SPACA9: variants seen among roughly 807,000 people sequenced by gnomAD.
The protein encoded by SPACA9 is sperm acrosome associated 9, also known as sperm acrosome-associated protein 9.
In SPACA9, 14 loss-of-function variants were observed where a neutral mutation model predicts 12.5. The ratio of observed to expected loss-of-function variants is 1.12; its 90% CI spans 0.74 to 1.75. The LOEUF is 1.75. Among genes scored for constraint, SPACA9 ranks in the 40% most tolerant of loss-of-function variants. The pLI, the probability that SPACA9 is intolerant of heterozygous loss-of-function variation, is 0.00. For synonymous variants in SPACA9, 111 were observed against 114.1 expected (o/e 0.97, Z 0.17); for missense variants, 292 against 291.9 (o/e 1.00, Z 0.00).
At position 132,888,303 on chromosome 9, in the gene SPACA9, G is replaced by A; in HGVS notation, c.361G>A (p.Val121Met). 2 of 1,611,430 alleles carry A rather than the reference G, an allele frequency of 1.2e-6. No individual in the cohort carries two copies. The highest frequency in any genetic ancestry group is 1.7e-6 in the Non-Finnish European group (2 of 1,178,428). ...GCCGTCCTGCAGATACCCTCATGAT[G>A]TGGTGAACCACCTCAGCTGTGACGA... ...SSLRAKYPHD[V>M]VNHLSCDEAR... Residue 121 changes from valine to methionine, a missense_variant, in exon 4 of 4, where the codon GTG (valine) becomes ATG (methionine). Coordinates refer to ENST00000356311, the MANE Select transcript of SPACA9 (RefSeq NM_001316897.2). The surrounding 1 kb of genome is among the most constrained non-coding windows in gnomAD (Gnocchi z 5.0).
chr9:132,889,301 C>A lies in SPACA9; in HGVS notation c.*690C>A. On this transcript the variant is annotated 3_prime_UTR_variant, in exon 4 of 4. Transcript: ENST00000356311. ...TGATCAAGCTGGAGACCATCTGCTC[C>A]TTGCCCCACCACCAGCCCCAACTGT... 2.0e-6 allele frequency: 2 copies of A among 985,758 alleles called. No individual in the cohort carries two copies. The highest frequency in any genetic ancestry group is 2.4e-6 in the Non-Finnish European group (2 of 830,164). The allele number at this position is 985,758 out of a possible 1,614,324, so 61.1% of individuals were successfully genotyped here.
chr9:132,879,435 ACT>A (rs760964964), intron 1 of SPACA9, among the ~76,000 whole-genome samples: 3 of 151,896 alleles, frequency 2.0e-5, no homozygotes, highest in Non-Finnish European at 4.4e-5. Context: ...AGCTTGGCAA[ACT>A]CTCTGCTTGC....
Position 132,887,245 on chromosome 9 carries a change from C to G in SPACA9, c.145-124C>G. The G allele has an allele frequency of 1.3e-6, 1 of 779,750 alleles. No homozygotes were observed. The highest frequency in any genetic ancestry group is 1.6e-5 in the South Asian group (1 of 63,808). The allele number at this position is 779,750 out of a possible 1,614,324, so 48.3% of individuals were successfully genotyped here. ...CCTTAAAATGCTTAAGCGTTACTTG[C>G]GTCTCCCCCATGAGTCATGTAGGGT... On this transcript the variant is annotated intron_variant, in intron 2 of 3. Coordinates refer to ENST00000356311, the MANE Select transcript of SPACA9 (RefSeq NM_001316897.2). This position sits in a 1 kb window ranked among gnomAD's most constrained non-coding sequence, Gnocchi z 5.4.
rs1844579901 is a variant in SPACA9, at chr9:132,886,846, C to T, written c.145-523C>T. 1.3e-5 allele frequency among the ~76,000 whole-genome samples: 2 copies of T among 152,024 alleles called. 1 individual carries two copies. Among genetic ancestry groups the T allele is most frequent in the South Asian group, 4.2e-4 (2 of 4,816 alleles). On this transcript the variant is annotated intron_variant, in intron 2 of 3. Transcript: ENST00000356311. ...TTTGTTTTTGAGATGGCATCTTGCT[C>T]TGTTACCCAGGCTGGAGTGCAGTGG...
rs1357362993 is a variant in SPACA9, at chr9:132,878,939, G to T, written c.-113G>T. On this transcript the variant is annotated 5_prime_UTR_variant, in exon 1 of 4. Transcript: ENST00000356311. The surrounding 1 kb of genome is among the most constrained non-coding windows in gnomAD (Gnocchi z 4.7). ...TGGAACGGGCCTCCCCACCCTCCGG[G>T]GCACCGACACTCACGGAGTCACTCC... 8.9e-6 allele frequency: 2 copies of T among 224,020 alleles called. No homozygotes were observed. The highest frequency in any genetic ancestry group is 1.5e-5 in the Non-Finnish European group (2 of 133,888). 13.9% of individuals were successfully genotyped at this position (224,020 alleles called of 1,614,324 possible). A position where few individuals can be genotyped will look rare whatever the true frequency, so the allele number is the denominator to read the frequency against.
At chr9:132,880,292 C>G (rs1436020113) in intron 1 of SPACA9, among the ~76,000 whole-genome samples, 1 of 152,154 alleles carries the variant, frequency 6.6e-6, no homozygotes, top group Non-Finnish European at 1.5e-5. Flanking sequence ...CGAGAAGTGC[C>G]CGTCCCCTGT....
rs568096413 is a variant in SPACA9, at chr9:132,885,682, G to A, written c.144+1591G>A. 9.9e-5 allele frequency among the ~76,000 whole-genome samples: 15 copies of A among 151,990 alleles called. No homozygotes were observed. The South Asian group carries it at 2.9e-3, about 29-fold the overall frequency. On this transcript the variant is annotated intron_variant, in intron 2 of 3. Transcript: ENST00000356311. ...TTCCTCTTCTGTAAACCTGGACTTC[G>A]GGGGAAAAAAGAAAAGAAACTGCCT...
chr9:132,879,195 G>A (rs574290426), intron 1 of SPACA9, among the ~76,000 whole-genome samples, 181 bp downstream of exon 1: 1 of 152,346 alleles, frequency 6.6e-6, no homozygotes, highest in Admixed American at 6.5e-5. Context: ...TTTTTAAGTC[G>A]TATGAATTCC....
chr9:132,889,031 A>G lies in SPACA9; in HGVS notation c.*420A>G, dbSNP rs752129008. 1.8e-4 allele frequency: 170 copies of G among 969,850 alleles called. No individual in the cohort carries two copies. The highest frequency in any genetic ancestry group is 5.7e-4 in the South Asian group (13 of 22,780). The allele number at this position is 969,850 out of a possible 1,614,324, so 60.1% of individuals were successfully genotyped here. A position where few individuals can be genotyped will look rare whatever the true frequency, so the allele number is the denominator to read the frequency against. ...ATCTACCCTCGTGATCGGCCTCCCA[A>G]AGTGCTGGGATTACAGGCGTGAGCC... On this transcript the variant is annotated 3_prime_UTR_variant, in exon 4 of 4. Coordinates refer to ENST00000356311, the MANE Select transcript of SPACA9 (RefSeq NM_001316897.2).
Position 132,889,653 on chromosome 9 carries a change from G to C in SPACA9, c.*1042G>C. ...TGGTCTTGAACTCCTGACCTCAACT[G>C]GTCCACCCGCCTCGGCCTCCCAAAG... is the stretch of plus-strand genomic sequence containing the variant. On this transcript the variant is annotated 3_prime_UTR_variant, in exon 4 of 4. Coordinates refer to ENST00000356311, the MANE Select transcript of SPACA9 (RefSeq NM_001316897.2). 1 of 863,368 alleles carries C rather than the reference G, an allele frequency of 1.2e-6. No individual in the cohort carries two copies. 53.5% of individuals were successfully genotyped at this position (863,368 alleles called of 1,614,324 possible). A position where few individuals can be genotyped will look rare whatever the true frequency, so the allele number is the denominator to read the frequency against.
chr9:132,878,687 G>T (rs891927723), upstream of SPACA9: 30 of 991,704 alleles, frequency 3.0e-5, no homozygotes, highest in South Asian at 5.2e-4. This position sits in a 1 kb window ranked among gnomAD's most constrained non-coding sequence, Gnocchi z 4.7. Context: ...GTGGGGGAGG[G>T]TGTTTGAAGG....
At position 132,888,418 on chromosome 9, in the gene SPACA9, C is replaced by A; in HGVS notation, c.476C>A (p.Pro159Gln). The change falls in exon 4 of 4, where the codon CCG becomes CAG. Residue 159 changes from proline (P) to glutamine (Q), a missense_variant. By Grantham distance (76) the Pro-to-Gln change is moderately conservative (BLOSUM62 -1). Coordinates refer to ENST00000356311, the MANE Select transcript of SPACA9 (RefSeq NM_001316897.2). The surrounding 1 kb of genome is among the most constrained non-coding windows in gnomAD (Gnocchi z 5.0). ...KEWIAHSEKL[P>Q]RKVLQHVSEP... ...TGGATCGCCCACTCCGAGAAGTTGC[C>A]GCGCAAGGTGCTGCAGCACGTGAGT... 2 of 1,613,926 alleles carry A rather than the reference C, an allele frequency of 1.2e-6. No individual in the cohort carries two copies. The highest frequency in any genetic ancestry group is 1.7e-6 in the Non-Finnish European group (2 of 1,180,008).
rs1421936454 is a variant in SPACA9, at chr9:132,888,676, CT to C, written c.*71del. ...TTAATTTGGATTTTACTGGTTGGTC[CT>C]TTTTTCACTGGTACCCATGGACCCT... On this transcript the variant is annotated 3_prime_UTR_variant, in exon 4 of 4. Coordinates refer to ENST00000356311, the MANE Select transcript of SPACA9 (RefSeq NM_001316897.2). This position sits in a 1 kb window ranked among gnomAD's most constrained non-coding sequence, Gnocchi z 5.0. 2 of 1,467,184 alleles carry C rather than the reference CT, an allele frequency of 1.4e-6. No individual in the cohort carries two copies. The highest frequency in any genetic ancestry group is 1.4e-5 in the African/African-American group (1 of 70,310). 90.9% of individuals were successfully genotyped at this position (1,467,184 alleles called of 1,614,324 possible). A position where few individuals can be genotyped will look rare whatever the true frequency, so the allele number is the denominator to read the frequency against.
chr9:132,887,181 C>G lies in SPACA9; in HGVS notation c.145-188C>G, dbSNP rs111237224. Reference sequence around the variant, plus strand: ...TCCATCCATCCATCCATCCATCCATCTATAGAGAGAGAGATACCACTATAT... The same window carrying G: ...TCCATCCATCCATCCATCCATCCATGTATAGAGAGAGAGATACCACTATAT... On this transcript the variant is annotated intron_variant, in intron 2 of 3. Transcript: ENST00000356311. The surrounding 1 kb of genome is among the most constrained non-coding windows in gnomAD (Gnocchi z 5.4). Among the ~76,000 whole-genome samples the G allele has an allele frequency of 2.1e-3, 326 of 151,712 alleles. 3 individuals carry two copies. The highest frequency in any genetic ancestry group is 7.3e-3 in the African/African-American group (301 of 41,316).
chr9:132,888,202 T>A lies in SPACA9; in HGVS notation c.348-88T>A, dbSNP rs757703323. 1.2e-5 allele frequency: 19 copies of A among 1,535,278 alleles called. No homozygotes were observed. Among genetic ancestry groups the A allele is most frequent in the Middle Eastern group, 1.8e-4 (1 of 5,598 alleles). Reference sequence around the variant, plus strand: ...CAGTTCTAAAGCCTCCCCAGGTGACTCTGCTGTGCCTGAGGTGTGGCAGCT... The same window carrying A: ...CAGTTCTAAAGCCTCCCCAGGTGACACTGCTGTGCCTGAGGTGTGGCAGCT... On this transcript the variant is annotated intron_variant, in intron 3 of 3. Coordinates refer to ENST00000356311, the MANE Select transcript of SPACA9 (RefSeq NM_001316897.2). The surrounding 1 kb of genome is among the most constrained non-coding windows in gnomAD (Gnocchi z 5.0).
chr9:132,885,244 C>T (rs776840818), intron 2 of SPACA9, among the ~76,000 whole-genome samples: 7 of 150,416 alleles, frequency 4.7e-5, no homozygotes, highest in Admixed American at 3.3e-4. Flanking sequence ...CCAGACACAG[C>T]GGCTCATGCC....
chr9:132,888,347 C>T lies in SPACA9; in HGVS notation c.405C>T (p.Gly135=), dbSNP rs202013520. The change falls in exon 4 of 4, where the codon GGC becomes GGT. Residue 135 remains glycine, a synonymous_variant. Transcript: ENST00000356311. This position sits in a 1 kb window ranked among gnomAD's most constrained non-coding sequence, Gnocchi z 5.0. ...LSCDEARNHY[G]GVVSLIPLIL... ...GTGACGAGGCCCGGAACCACTACGG[C>T]GGCGTGGTCAGCCTCATCCCCCTCA... is the stretch of plus-strand genomic sequence containing the variant. The T allele has an allele frequency of 1.2e-5, 19 of 1,614,064 alleles. No individual in the cohort carries two copies. The highest frequency in any genetic ancestry group is 9.3e-5 in the African/African-American group (7 of 75,034).
Position 132,883,984 on chromosome 9 carries a change from C to T in SPACA9, c.37C>T (p.Gln13Ter). 6.2e-7 allele frequency: 1 copy of T among 1,614,180 alleles called. No individual in the cohort carries two copies. Among genetic ancestry groups the T allele is most frequent in the Non-Finnish European group, 8.5e-7 (1 of 1,180,014 alleles). ...GAAAGAATCCCTTCGCAGCATCGAG[C>T]AGAAGTACAAGCTCTTCCAGCAGCA... is the stretch of plus-strand genomic sequence containing the variant. ...EVKESLRSIE[Q>*]KYKLFQQQQL... Residue 13 changes from glutamine to a stop codon, truncating the protein, a stop_gained, in exon 2 of 4, where the codon CAG becomes TAG. Transcript: ENST00000356311. LOFTEE classifies it high-confidence loss of function.
chr9:132,879,532 G>A (rs1480514810), intron 1 of SPACA9, among the ~76,000 whole-genome samples: 1 of 152,206 alleles, frequency 6.6e-6, no homozygotes, highest in Admixed American at 6.5e-5. Flanking sequence ...TTGGCATGCA[G>A]TAAGCACACA....
Sources: gnomAD v4.1 joint callset for allele counts (sites outside exome capture counted in the v4.1 genomes callset) on GRCh38, gnomAD v4.1.1 for gene constraint, Gnocchi (gnomAD v3.1) non-coding constraint, MANE v1.5 for transcripts, NCBI Gene and HGNC (gene_info 2026-07-23, HGNC 2026-07-21) for gene names.